The following ZFYVE9 variants were observed in gnomAD, a reference collection of about 807,000 sequenced individuals.
ZFYVE9 encodes zinc finger FYVE-type containing 9.
ZFYVE9 carries 43 observed loss-of-function variants against 126.7 expected under a neutral mutation model. The observed-to-expected ratio is 0.34, with a 90% CI of 0.27 to 0.44. The LOEUF (loss-of-function observed/expected upper bound fraction) is 0.44, where lower values mean the gene tolerates loss of function less well. ZFYVE9 is among the 20% of genes least tolerant of loss of function. The pLI is 1.00. For missense variants in ZFYVE9, 1,476 were observed against 1,697.0 expected (o/e 0.87, Z 2.29); for synonymous variants, 521 against 597.4 (o/e 0.87, Z 1.87).
intron 12 of ZFYVE9, among the ~76,000 whole-genome samples, chr1:52,302,251 A>G (rs2147840505): frequency 6.6e-6 from 1 of 152,274 alleles, no homozygotes; most frequent in East Asian, 1.9e-4. Context: ...GCTGGTTATC[A>G]ATATTCTTGA....
At chr1:52,205,330 T>A (rs947925146) in intron 1 of ZFYVE9, among the ~76,000 whole-genome samples, 2 of 151,996 alleles carry the variant, frequency 1.3e-5, no homozygotes, top group African/African-American at 2.4e-5. Context: ...CCACCTCAGC[T>A]TCCCAGGGTG....
chr1:52,240,177 G>A (rs1645319700), intron 4 of ZFYVE9, among the ~76,000 whole-genome samples: 1 of 152,018 alleles, frequency 6.6e-6, no homozygotes, highest in Non-Finnish European at 1.5e-5. Flanking sequence ...TTTATGACAA[G>A]GTTGTAAGAA....
Position 52,346,338 on chromosome 1 carries a change from G to GT in ZFYVE9, c.*117_*118insT. The stretch of plus-strand genomic sequence containing the variant: ...TTGTTAACACTATTAATGGGGTGGG[G>GT]AATAGGGTGGGAGTGGGGGTTTGGG... On this transcript the variant is annotated 3_prime_UTR_variant, in exon 19 of 19. Coordinates refer to ENST00000287727, the MANE Select transcript of ZFYVE9 (RefSeq NM_004799.4). The GT allele has an allele frequency of 5.0e-5, 15 of 302,790 alleles. No individual in the cohort carries two copies. Among genetic ancestry groups the GT allele is most frequent in the Non-Finnish European group, 8.4e-5 (13 of 154,988 alleles). 18.8% of individuals were successfully genotyped at this position (302,790 alleles called of 1,614,324 possible). A position where few individuals can be genotyped will look rare whatever the true frequency, so the allele number is the denominator to read the frequency against.
At chr1:52,248,373 T>C (rs982688162) in intron 4 of ZFYVE9, among the ~76,000 whole-genome samples, 1 of 152,208 alleles carries the variant, frequency 6.6e-6, no homozygotes, top group Non-Finnish European at 1.5e-5. Flanking sequence ...AGCAGGCTTA[T>C]CTTTGCTTCT....
chr1:52,147,509 G>T (rs1644316037), intron 1 of ZFYVE9, among the ~76,000 whole-genome samples: 1 of 152,160 alleles, frequency 6.6e-6, no homozygotes, highest in African/African-American at 2.4e-5. Context: ...TATATGACTG[G>T]TTTCTCTTAC....
intron 13 of ZFYVE9, among the ~76,000 whole-genome samples, chr1:52,331,452 A>T (rs1646339742): frequency 1.6e-5 from 2 of 124,042 alleles, no homozygotes; most frequent in Admixed American, 1.5e-4. Flanking sequence ...CTGTCTCTTA[A>T]AAAAAAAAAA....
chr1:52,251,147 C>T (rs1296806804), intron 4 of ZFYVE9, among the ~76,000 whole-genome samples: 1 of 152,116 alleles, frequency 6.6e-6, no homozygotes, highest in Non-Finnish European at 1.5e-5. Context: ...TCTTGGCTCA[C>T]TGCAACCTCT....
chr1:52,189,095 G>T (rs1044353262), intron 1 of ZFYVE9, among the ~76,000 whole-genome samples: 3 of 151,436 alleles, frequency 2.0e-5, no homozygotes, highest in Non-Finnish European at 4.4e-5. Context: ...CTACCACCAC[G>T]CCTGGCTAAT....
chr1:52,161,363 C>T (rs1180634772), intron 1 of ZFYVE9, among the ~76,000 whole-genome samples: 2 of 152,146 alleles, frequency 1.3e-5, no homozygotes, highest in African/African-American at 2.4e-5. Flanking sequence ...AATCTCAGCT[C>T]ACTGCAACCT....
At position 52,199,440 on chromosome 1, in the gene ZFYVE9, C is replaced by T. The variant is rs148769382; in HGVS notation, c.-142-16929C>T. Among the ~76,000 whole-genome samples the T allele has an allele frequency of 8.9e-3, 1,353 of 152,274 alleles. 8 individuals carry two copies. The highest frequency in any genetic ancestry group is 0.014 in the Non-Finnish European group (931 of 68,022). On this transcript the variant is annotated intron_variant, in intron 1 of 18. Coordinates refer to ENST00000287727, the MANE Select transcript of ZFYVE9 (RefSeq NM_004799.4). ...ATACTTGGAATCATACAGTACGTAG[C>T]CTTTTGAGATTGGCTTCTTTCACTT...
At chr1:52,158,411 A>T (rs6700495) in intron 1 of ZFYVE9, among the ~76,000 whole-genome samples, 9,892 of 152,274 alleles carry the variant, frequency 0.065, 357 homozygotes, top group African/African-American at 0.1. Context: ...GTTGCCTTGC[A>T]GGTGACAGAC....
chr1:52,252,823 G>T (rs66506358), intron 4 of ZFYVE9: 1 of 324,702 alleles, frequency 3.1e-6, no homozygotes, highest in Non-Finnish European at 6.5e-6. Flanking sequence ...CAGCCCAGAG[G>T]TTGCGGCCAA....
chr1:52,257,695 A>T (rs1314577726), intron 4 of ZFYVE9, among the ~76,000 whole-genome samples: 2 of 152,200 alleles, frequency 1.3e-5, no homozygotes, highest in African/African-American at 4.8e-5. Flanking sequence ...AAAAGTTTAC[A>T]TTAATGTTTG....
intron 1 of ZFYVE9, among the ~76,000 whole-genome samples, chr1:52,182,081 GTCCGGAGGGAGGTGGGGGGGTCAGCC>G (rs1644713870): frequency 6.6e-6 from 1 of 151,210 alleles, no homozygotes; most frequent in Non-Finnish European, 1.5e-5. Flanking sequence ...CAGCTGCCCC[GTCCGGAGGGAGGTGGGGGGGTCAGCC>G]CCCCGTCCAG....
chr1:52,330,992 A>G (rs2762820), intron 13 of ZFYVE9, among the ~76,000 whole-genome samples: 142,745 of 152,172 alleles, frequency 0.94, 66,983 homozygotes, highest in East Asian at 1. Flanking sequence ...TCAGCCTCCC[A>G]AGTAGCTGGA....
intron 13 of ZFYVE9, among the ~76,000 whole-genome samples, chr1:52,307,258 CAG>C (rs1646094103): frequency 6.6e-6 from 1 of 152,064 alleles, no homozygotes; most frequent in African/African-American, 2.4e-5. Context: ...GTTTTTGAGA[CAG>C]AGTCCTGCTC....
chr1:52,256,436 A>G (rs965086901), intron 4 of ZFYVE9, among the ~76,000 whole-genome samples: 5 of 151,396 alleles, frequency 3.3e-5, no homozygotes, highest in African/African-American at 1.2e-4. Flanking sequence ...CAGTGGCACA[A>G]CCTCAGCTCA....
intron 2 of ZFYVE9, among the ~76,000 whole-genome samples, chr1:52,221,981 T>C (rs976911721): frequency 6.6e-6 from 1 of 152,220 alleles, no homozygotes; most frequent in African/African-American, 2.4e-5. Context: ...CTGCTTTGTT[T>C]CAGGTAAAGG....
At chr1:52,144,334 A>G (rs553797888) in intron 1 of ZFYVE9, among the ~76,000 whole-genome samples, 11 of 152,156 alleles carry the variant, frequency 7.2e-5, no homozygotes, top group South Asian at 2.1e-4. Context: ...AAAAAGTTGA[A>G]TACAGTTCTC....
Sources: gnomAD v4.1 joint callset for allele counts (sites outside exome capture counted in the v4.1 genomes callset) on GRCh38, gnomAD v4.1.1 for gene constraint, MANE v1.5 for transcripts, NCBI Gene and HGNC (gene_info 2026-07-23, HGNC 2026-07-21) for gene names.